The following ZNF608 variants were observed in gnomAD, a reference collection of about 807,000 sequenced individuals.
ZNF608 encodes zinc finger protein 608, also known as renal carcinoma antigen NY-REN-36.
Under a neutral mutation model 109.0 loss-of-function variants are expected in ZNF608, and 12 were observed. The ratio of observed to expected loss-of-function variants is 0.11; its 90% CI spans 0.07 to 0.18. The LOEUF (loss-of-function observed/expected upper bound fraction) is 0.18, where lower values mean the gene tolerates loss of function less well. ZNF608 is among the 10% of genes least tolerant of loss of function. ZNF608 has a pLI of 1.00. For synonymous variants in ZNF608, 732 were observed against 717.4 expected (o/e 1.02, Z -0.33); for missense variants, 1,707 against 1,879.3 (o/e 0.91, Z 1.70).
In ZNF608 at chr5:124,649,154, T is replaced by C. The variant is rs771459167; in HGVS notation, c.1251-21A>G. 26 of 1,528,452 alleles carry C rather than the reference T, an allele frequency of 1.7e-5. 1 individual carries two copies. The Admixed American group carries it at 5.8e-4, about 34-fold the overall frequency. 94.7% of individuals were successfully genotyped at this position (1,528,452 alleles called of 1,614,324 possible). A position where few individuals can be genotyped will look rare whatever the true frequency, so the allele number is the denominator to read the frequency against. ...AAAACCTATGGAAGCAAGTAACAGA[T>C]GTGAAAATGAGCATCCCCAAAAGAG... On this transcript the variant is annotated intron_variant, in intron 4 of 9. Coordinates refer to ENST00000513986, the MANE Select transcript of ZNF608 (RefSeq NM_020747.3).
intron 3 of ZNF608, 107 bp downstream of exon 3, chr5:124,700,907 T>C: frequency 6.9e-7 from 1 of 1,453,920 alleles, no homozygotes. Context: ...AAAAAACACT[T>C]TCCATTCCTC....
At chr5:124,651,800 G>A (rs1016592983) in intron 3 of ZNF608, among the ~76,000 whole-genome samples, 2 of 152,258 alleles carry the variant, frequency 1.3e-5, no homozygotes, top group African/African-American at 4.8e-5. Context: ...CCGGAGCACA[G>A]AGGCAGCGGT....
intron 2 of ZNF608, among the ~76,000 whole-genome samples, chr5:124,716,142 C>CAAAAAAAAAA (rs1232356378): frequency 6.2e-4 from 46 of 73,850 alleles, no homozygotes; most frequent in South Asian, 2.0e-3. Flanking sequence ...GAATCCGTCT[C>CAAAAAAAAAA]AAAAAAAAAA....
intron 5 of ZNF608, 76 bp from the exon 6 acceptor site, chr5:124,644,737 T>A: frequency 5.5e-6 from 7 of 1,276,874 alleles, no homozygotes; most frequent in Non-Finnish European, 7.5e-6. Context: ...AACTTGTTAA[T>A]AATCATGACA....
At chr5:124,659,815 A>G (rs566589254) in intron 3 of ZNF608, among the ~76,000 whole-genome samples, 1 of 152,342 alleles carries the variant, frequency 6.6e-6, no homozygotes, top group Non-Finnish European at 1.5e-5. Flanking sequence ...ACCAATTGAC[A>G]ATTATGCTCC....
chr5:124,655,366 A>C (rs1022249917), intron 3 of ZNF608, among the ~76,000 whole-genome samples: 1 of 152,226 alleles, frequency 6.6e-6, no homozygotes, highest in African/African-American at 2.4e-5. Context: ...AAAGTGCCTC[A>C]TCCCCGGGAC....
At chr5:124,739,278 G>C (rs1431579998) in intron 2 of ZNF608, among the ~76,000 whole-genome samples, 2 of 152,136 alleles carry the variant, frequency 1.3e-5, no homozygotes, top group Non-Finnish European at 2.9e-5. Context: ...CCAGAACCAA[G>C]ATTCTTAGTG....
chr5:124,642,692 C>CTTTTTTTTT (rs755561532), intron 7 of ZNF608, among the ~76,000 whole-genome samples: 5 of 95,284 alleles, frequency 5.2e-5, no homozygotes, highest in Admixed American at 1.2e-4. Flanking sequence ...TTTCTATTGT[C>CTTTTTTTTT]TTTTTTTTTT....
chr5:124,745,065 C>G lies in ZNF608; in HGVS notation c.-76G>C. 2 of 1,511,102 alleles carry G rather than the reference C, an allele frequency of 1.3e-6. No homozygotes were observed. Among genetic ancestry groups the G allele is most frequent in the Non-Finnish European group, 1.8e-6 (2 of 1,139,894 alleles). 93.6% of individuals were successfully genotyped at this position (1,511,102 alleles called of 1,614,324 possible). A position where few individuals can be genotyped will look rare whatever the true frequency, so the allele number is the denominator to read the frequency against. ...ATGAGGGGACATTCGTTTATCTCCGCTGGGCTTTCTCTCAAAGAAAAAAAA... is the reference window on the plus strand; with the variant it reads ...ATGAGGGGACATTCGTTTATCTCCGGTGGGCTTTCTCTCAAAGAAAAAAAA... On this transcript the variant is annotated 5_prime_UTR_variant, in exon 2 of 10. Coordinates refer to ENST00000513986, the MANE Select transcript of ZNF608 (RefSeq NM_020747.3).
intron 3 of ZNF608, among the ~76,000 whole-genome samples, chr5:124,676,621 T>A (rs1391128193): frequency 6.6e-6 from 1 of 152,188 alleles, no homozygotes; most frequent in East Asian, 1.9e-4. Context: ...GATTGGTTTG[T>A]TTAACAACTG....
At chr5:124,722,387 C>T (rs910442653) in intron 2 of ZNF608, among the ~76,000 whole-genome samples, 4 of 152,076 alleles carry the variant, frequency 2.6e-5, no homozygotes, top group African/African-American at 9.7e-5. Flanking sequence ...TGTTTCTGCC[C>T]TAAGATTCCG....
chr5:124,741,048 A>C (rs1749373596), intron 2 of ZNF608, among the ~76,000 whole-genome samples: 1 of 152,202 alleles, frequency 6.6e-6, no homozygotes, highest in Non-Finnish European at 1.5e-5. Flanking sequence ...TAACAACCAA[A>C]AGCCAACCCA....
intron 3 of ZNF608, among the ~76,000 whole-genome samples, chr5:124,688,386 C>T (rs1398807626): frequency 6.6e-6 from 1 of 152,144 alleles, no homozygotes; most frequent in East Asian, 1.9e-4. Context: ...GAGAAAGTCT[C>T]ATTCCCTTTC....
chr5:124,670,333 C>CTTTTTTT (rs199562758), intron 3 of ZNF608, among the ~76,000 whole-genome samples: 1 of 147,516 alleles, frequency 6.8e-6, no homozygotes. Context: ...CTTTTTCTTT[C>CTTTTTTT]TTTCTTTTTT....
At chr5:124,677,673 C>G (rs906178952) in intron 3 of ZNF608, among the ~76,000 whole-genome samples, 1 of 152,116 alleles carries the variant, frequency 6.6e-6, no homozygotes, top group Non-Finnish European at 1.5e-5. Context: ...TCGGAAAATA[C>G]AAGCAAATCG....
At chr5:124,638,238 C>T (rs1750068683) in intron 9 of ZNF608, among the ~76,000 whole-genome samples, 1 of 146,608 alleles carries the variant, frequency 6.8e-6, no homozygotes, top group Admixed American at 7.1e-5. Context: ...GCATAAGCCA[C>T]CACACCCGGC....
intron 2 of ZNF608, among the ~76,000 whole-genome samples, chr5:124,731,233 C>A (rs905810965): frequency 6.6e-6 from 1 of 152,116 alleles, no homozygotes; most frequent in Non-Finnish European, 1.5e-5. Flanking sequence ...TTTTTTGAGA[C>A]GGAGTCTCGC....
intron 3 of ZNF608, among the ~76,000 whole-genome samples, chr5:124,698,601 A>C (rs571149511): frequency 6.1e-4 from 93 of 152,378 alleles, no homozygotes; most frequent in African/African-American, 2.1e-3. Context: ...AGCACGTATA[A>C]AGGCAGTTGG....
chr5:124,713,699 A>T (rs1753587994), intron 2 of ZNF608, among the ~76,000 whole-genome samples: 1 of 152,170 alleles, frequency 6.6e-6, no homozygotes, highest in Admixed American at 6.5e-5. Flanking sequence ...TTACAGAAAA[A>T]ATTTGCCAAT....
Sources: gnomAD v4.1 joint callset for allele counts (sites outside exome capture counted in the v4.1 genomes callset) on GRCh38, gnomAD v4.1.1 for gene constraint, MANE v1.5 for transcripts, NCBI Gene and HGNC (gene_info 2026-07-23, HGNC 2026-07-21) for gene names.